Variants in TMEM108 observed in about 807,000 individuals in gnomAD.
The protein encoded by TMEM108 is cancer/testis antigen 124.
Under a neutral mutation model 35.1 loss-of-function variants are expected in TMEM108, and 12 were observed. The observed-to-expected ratio is 0.34, with a 90% CI of 0.22 to 0.55. TMEM108 has a LOEUF of 0.55. Ranked by LOEUF, TMEM108 falls within the 20% of genes least tolerant of loss-of-function variation. TMEM108 has a pLI of 0.89. For synonymous variants in TMEM108, 287 were observed against 308.6 expected, an observed-to-expected ratio of 0.93 and a Z score of 0.73; for missense variants, 680 against 753.3, an observed-to-expected ratio of 0.90 and a Z score of 1.14.
chr3:133,146,141 TC>T (rs1337440240), intron 2 of TMEM108, among the ~76,000 whole-genome samples: 1 of 152,236 alleles, frequency 6.6e-6, no homozygotes, highest in African/African-American at 2.4e-5. Context: ...ATACATTCCA[TC>T]AATACCTAGT....
chr3:133,285,790 C>T (rs376128900), intron 3 of TMEM108, among the ~76,000 whole-genome samples: 79 of 152,302 alleles, frequency 5.2e-4, no homozygotes, highest in African/African-American at 2.2e-4. Flanking sequence ...CCAGACTGGG[C>T]GCCCAGCTGC....
At chr3:133,339,931 CT>C (rs2071612340) in intron 3 of TMEM108, among the ~76,000 whole-genome samples, 1 of 151,518 alleles carries the variant, frequency 6.6e-6, no homozygotes, top group Non-Finnish European at 1.5e-5. Context: ...TATACCAAAC[CT>C]GTATGATACA....
intron 3 of TMEM108, among the ~76,000 whole-genome samples, chr3:133,307,988 A>G (rs1279430915): frequency 5.3e-5 from 8 of 152,144 alleles, no homozygotes; most frequent in Non-Finnish European, 1.0e-4. Context: ...CTTCCTGTAT[A>G]TGAGCATGGA....
At chr3:133,283,799 C>T (rs1346609411) in intron 3 of TMEM108, among the ~76,000 whole-genome samples, 1 of 152,194 alleles carries the variant, frequency 6.6e-6, no homozygotes, top group Non-Finnish European at 1.5e-5. Context: ...TAGTTGGTGT[C>T]TGGTGTTGCT....
chr3:133,143,421 G>T (rs1466282247), intron 2 of TMEM108, among the ~76,000 whole-genome samples: 1 of 135,316 alleles, frequency 7.4e-6, no homozygotes, highest in Non-Finnish European at 1.6e-5. Context: ...GTTTAAAAAA[G>T]AAAAAAAAAA....
chr3:133,295,516 C>T (rs765772390), intron 3 of TMEM108, among the ~76,000 whole-genome samples: 1 of 152,144 alleles, frequency 6.6e-6, no homozygotes, highest in Non-Finnish European at 1.5e-5. Context: ...CTATAAAGCC[C>T]CTTGTCAGGT....
At chr3:133,256,138 A>G (rs1363170589) in intron 3 of TMEM108, among the ~76,000 whole-genome samples, 1 of 152,222 alleles carries the variant, frequency 6.6e-6, no homozygotes, top group Non-Finnish European at 1.5e-5. Context: ...TGACTTCTCA[A>G]CAGCCACCAC....
intron 3 of TMEM108, among the ~76,000 whole-genome samples, chr3:133,361,289 G>A (rs1398832417): frequency 6.6e-6 from 1 of 152,214 alleles, no homozygotes; most frequent in East Asian, 1.9e-4. Flanking sequence ...CTAAGAGCAA[G>A]ACAGTCCTGG....
chr3:133,281,933 G>A (rs906376439), intron 3 of TMEM108, among the ~76,000 whole-genome samples: 2 of 152,146 alleles, frequency 1.3e-5, no homozygotes, highest in African/African-American at 4.8e-5. Context: ...CAAGGTGGGC[G>A]GATCATGAGG....
chr3:133,094,680 A>G (rs1943991409), intron 2 of TMEM108, among the ~76,000 whole-genome samples: 1 of 152,190 alleles, frequency 6.6e-6, no homozygotes, highest in South Asian at 2.1e-4. Context: ...GCAGTTTCTC[A>G]GCCACCTTTT....
intron 2 of TMEM108, among the ~76,000 whole-genome samples, chr3:133,109,113 C>A (rs974167956): frequency 1.3e-5 from 2 of 151,898 alleles, no homozygotes; most frequent in African/African-American, 4.8e-5. Context: ...TAGAATGATA[C>A]GGTGGAAAGA....
intron 3 of TMEM108, among the ~76,000 whole-genome samples, chr3:133,307,803 C>A (rs1007245274): frequency 6.6e-6 from 1 of 151,596 alleles, no homozygotes; most frequent in Non-Finnish European, 1.5e-5. Context: ...AGTCAGGTAG[C>A]CTCCAGCTTT....
intron 3 of TMEM108, among the ~76,000 whole-genome samples, chr3:133,244,678 T>C (rs1946360401): frequency 6.6e-6 from 1 of 152,242 alleles, no homozygotes; most frequent in South Asian, 2.1e-4. Flanking sequence ...AAGAAACTTT[T>C]GGCAGAATCA....
intron 4 of TMEM108, among the ~76,000 whole-genome samples, chr3:133,385,486 C>T (rs906658022): frequency 3.3e-5 from 5 of 152,202 alleles, no homozygotes; most frequent in Admixed American, 6.5e-5. Flanking sequence ...CCAGCCTGAC[C>T]TCCCTCCATA....
At chr3:133,233,307 G>A (rs1415810279) in intron 3 of TMEM108, among the ~76,000 whole-genome samples, 4 of 151,974 alleles carry the variant, frequency 2.6e-5, no homozygotes, top group Admixed American at 2.6e-4. Context: ...TTTTGTTCTT[G>A]CAATAGTTTA....
intron 2 of TMEM108, among the ~76,000 whole-genome samples, chr3:133,216,830 A>T (rs1559871503): frequency 6.6e-6 from 1 of 152,252 alleles, no homozygotes; most frequent in East Asian, 1.9e-4. Context: ...TTAACCATTC[A>T]TCTGTTGACA....
chr3:133,242,111 A>G (rs1321699364), intron 3 of TMEM108, among the ~76,000 whole-genome samples: 1 of 151,988 alleles, frequency 6.6e-6, no homozygotes, highest in Non-Finnish European at 1.5e-5. Context: ...CTCCTCTGTC[A>G]TTGGATTTAA....
intron 4 of TMEM108, chr3:133,388,870 G>GCC: frequency 1.0e-6 from 1 of 985,884 alleles, no homozygotes; most frequent in Non-Finnish European, 1.2e-6. Context: ...CCTGATGCTG[G>GCC]CCAGACCCTC....
Position 133,240,336 on chromosome 3 carries a change from G to A in TMEM108, c.40+10985G>A, listed in dbSNP as rs577046584. Among the ~76,000 whole-genome samples the A allele has an allele frequency of 1.4e-4, 22 of 152,268 alleles. 1 individual carries two copies. Among genetic ancestry groups the A allele is most frequent in the African/African-American group, 5.3e-4 (22 of 41,550 alleles). On this transcript the variant is annotated intron_variant, in intron 3 of 5. Coordinates refer to ENST00000321871, the MANE Select transcript of TMEM108 (RefSeq NM_023943.4). ...CTTGAAAGTGTCATGTTGATTTAAT[G>A]TCTTATGTTTTAGGTAGTGATTTTA...
Sources: allele counts gnomAD v4.1 joint callset (sites outside exome capture counted in the v4.1 genomes callset), GRCh38; gene constraint gnomAD v4.1.1; transcripts MANE v1.5; gene names NCBI Gene and HGNC (gene_info 2026-07-23, HGNC 2026-07-21).